LAMA2: variants seen among roughly 807,000 people sequenced by gnomAD.
LAMA2 encodes the protein laminin subunit alpha 2, also known as laminin subunit alpha-2.
LAMA2 carries 269 observed loss-of-function variants against 364.8 expected under a neutral mutation model. The observed-to-expected ratio is 0.74, with a 90% confidence interval of 0.67 to 0.82. LAMA2 has a LOEUF of 0.82. LAMA2 is among the 40% of genes least tolerant of loss of function. The probability of loss-of-function intolerance (pLI) is 0.00; values close to 1 mark genes in which losing one functional copy is unlikely to be tolerated. For missense variants in LAMA2, 3,807 were observed against 3,873.2 expected, an observed-to-expected ratio of 0.98 and a Z score of 0.45; for synonymous variants, 1,379 against 1,370.6, an observed-to-expected ratio of 1.01 and a Z score of -0.14.
intron 3 of LAMA2, among the ~76,000 whole-genome samples, chr6:129,064,184 G>T (rs991516409): frequency 2.6e-5 from 4 of 151,722 alleles, no homozygotes. Context: ...ACAACCAATG[G>T]ATAAAGAAAA....
rs557527334 is a variant in LAMA2 at position 129,270,816 on chromosome 6, C to A, written c.2450+65C>A. The A allele has an allele frequency of 6.2e-6, 9 of 1,457,070 alleles. No homozygotes were observed. The East Asian group carries it at 1.6e-4, about 26-fold the overall frequency. The allele number at this position is 1,457,070 out of a possible 1,614,324, so 90.3% of individuals were successfully genotyped here. Reference sequence around the variant, plus strand: ...ATTTCTGCAAGTACACTTTTCATAGCAAATATACACTTCCTTTTATCCCAT... The same window carrying A: ...ATTTCTGCAAGTACACTTTTCATAGAAAATATACACTTCCTTTTATCCCAT... On this transcript the variant is annotated intron_variant, in intron 17 of 64. Coordinates refer to ENST00000421865, the MANE Select transcript of LAMA2 (RefSeq NM_000426.4).
intron 12 of LAMA2, among the ~76,000 whole-genome samples, chr6:129,202,187 C>T (rs1162310464): frequency 4.8e-5 from 3 of 62,144 alleles, no homozygotes; most frequent in Non-Finnish European, 9.2e-5. Context: ...GAGTCTGTCT[C>T]AAAAAAAAAA....
At chr6:129,394,048 CTTCT>C (rs1232206672) in intron 37 of LAMA2, among the ~76,000 whole-genome samples, 1 of 152,080 alleles carries the variant, frequency 6.6e-6, no homozygotes, top group Non-Finnish European at 1.5e-5. Flanking sequence ...ATTATTTTTT[CTTCT>C]TTTTTTTCCA....
At chr6:129,031,609 A>C (rs546891996) in intron 1 of LAMA2, among the ~76,000 whole-genome samples, 8 of 152,314 alleles carry the variant, frequency 5.3e-5, no homozygotes, top group African/African-American at 1.9e-4. Flanking sequence ...TCACACAATA[A>C]ATTTTAAGGA....
In LAMA2 at chr6:129,024,205, G is replaced by A. The variant is rs1183505750; in HGVS notation, c.113-25713G>A. On this transcript the variant is annotated intron_variant, in intron 1 of 64. Transcript: ENST00000421865. Reference sequence around the variant, plus strand: ...AAACCTTAGAATTGGATCTTATCGAGTATTGTGTTATACAGAGAATATGGA... The same window carrying A: ...AAACCTTAGAATTGGATCTTATCGAATATTGTGTTATACAGAGAATATGGA... Among the ~76,000 whole-genome samples the A allele has an allele frequency of 3.3e-5, 5 of 151,946 alleles. No homozygotes were observed. In the East Asian group the frequency reaches 9.6e-4, roughly 29 times the overall value.
Position 129,348,024 on chromosome 6 carries a change from A to G in LAMA2, c.4437-1274A>G, listed in dbSNP as rs548894782. On this transcript the variant is annotated intron_variant, in intron 30 of 64. Coordinates refer to ENST00000421865, the MANE Select transcript of LAMA2 (RefSeq NM_000426.4). ...TGTTTCTTAGAGCCCATATATGTAT[A>G]AGAGTGTGTGTGTGTGTTCGCGTAT... is the stretch of plus-strand genomic sequence containing the variant. Among the ~76,000 whole-genome samples, 8 of 152,264 alleles carry G rather than the reference A, an allele frequency of 5.3e-5. No homozygotes were observed. In the East Asian group the frequency reaches 1.5e-3, roughly 29 times the overall value.
At chr6:129,169,946 G>A (rs1329528014) in intron 9 of LAMA2, among the ~76,000 whole-genome samples, 4 of 150,600 alleles carry the variant, frequency 2.7e-5, no homozygotes, top group Non-Finnish European at 2.9e-5. Context: ...TAGTTTATTT[G>A]CATAGAGGTG....
intron 1 of LAMA2, among the ~76,000 whole-genome samples, chr6:129,024,412 C>G (rs1785665556): frequency 7.6e-6 from 1 of 131,966 alleles, no homozygotes; most frequent in South Asian, 2.4e-4. Context: ...TTGAGACAGT[C>G]TCAGTCCATT....
At chr6:129,052,664 G>C (rs555185285) in intron 2 of LAMA2, among the ~76,000 whole-genome samples, 1 of 151,926 alleles carries the variant, frequency 6.6e-6, no homozygotes, top group South Asian at 2.1e-4. Context: ...CTGCATTAGG[G>C]TTTACTTTTG....
intron 49 of LAMA2, among the ~76,000 whole-genome samples, chr6:129,460,671 A>G: frequency 6.6e-6 from 1 of 151,348 alleles, no homozygotes; most frequent in East Asian, 1.9e-4. Context: ...CATTGTTATA[A>G]TTTTTTTTTC....
intron 41 of LAMA2, among the ~76,000 whole-genome samples, chr6:129,434,286 C>A (rs1489574819): frequency 6.6e-6 from 1 of 152,156 alleles, no homozygotes; most frequent in African/African-American, 2.4e-5. Context: ...TGTTCCCAGT[C>A]GACCCTTGCT....
At chr6:129,221,609 A>G (rs960286601) in intron 12 of LAMA2, among the ~76,000 whole-genome samples, 7 of 152,212 alleles carry the variant, frequency 4.6e-5, no homozygotes, top group African/African-American at 1.7e-4. Context: ...TTTAAACTAC[A>G]GAAATATTGA....
At chr6:129,032,215 A>C (rs1294061506) in intron 1 of LAMA2, among the ~76,000 whole-genome samples, 1 of 152,246 alleles carries the variant, frequency 6.6e-6, no homozygotes, top group Non-Finnish European at 1.5e-5. Flanking sequence ...AAACATACAT[A>C]GTCTCTCCCA....
chr6:129,511,577 T>G (rs1002537740), intron 62 of LAMA2, among the ~76,000 whole-genome samples: 1 of 152,158 alleles, frequency 6.6e-6, no homozygotes, highest in Non-Finnish European at 1.5e-5. Flanking sequence ...CACATAGCAT[T>G]TATTTCTTGC....
At chr6:129,481,589 T>G (rs2114840061) in intron 55 of LAMA2, 150 bp downstream of exon 55, 2 of 722,256 alleles carry the variant, frequency 2.8e-6, no homozygotes, top group East Asian at 5.4e-5. Context: ...GCTGGCCTCC[T>G]ATTTCACTCA....
At chr6:129,234,758 G>A (rs76359053) in intron 12 of LAMA2, among the ~76,000 whole-genome samples, 2,668 of 152,092 alleles carry the variant, frequency 0.018, 25 homozygotes, top group South Asian at 0.027. Context: ...TTAATTACAC[G>A]TACGGTGTTT....
At chr6:129,109,552 A>G (rs951346183) in intron 4 of LAMA2, among the ~76,000 whole-genome samples, 1 of 152,044 alleles carries the variant, frequency 6.6e-6, no homozygotes, top group South Asian at 2.1e-4. Context: ...CAATAAAATT[A>G]TATTTTTGGA....
intron 1 of LAMA2, among the ~76,000 whole-genome samples, chr6:128,922,337 G>T (rs1397515186): frequency 6.6e-6 from 1 of 151,438 alleles, no homozygotes; most frequent in Admixed American, 6.6e-5. Context: ...GTGTAAAAGT[G>T]TTCCTATTTC....
At position 129,091,987 on chromosome 6, in the gene LAMA2, T is replaced by C. The variant is rs1451993437; in HGVS notation, c.397-6186T>C. Among the ~76,000 whole-genome samples the C allele has an allele frequency of 2.0e-5, 3 of 152,182 alleles. No homozygotes were observed. The East Asian group carries it at 5.8e-4, about 29-fold the overall frequency. ...TACACAGTAAGAGCCAGGTTCTATG[T>C]GGCTTAGGTGGGGATGGGGCTTTGA... is the stretch of plus-strand genomic sequence containing the variant. On this transcript the variant is annotated intron_variant, in intron 3 of 64. Transcript: ENST00000421865.
Sources: allele counts gnomAD v4.1 joint callset (sites outside exome capture counted in the v4.1 genomes callset), GRCh38; gene constraint gnomAD v4.1.1; transcripts MANE v1.5; gene names NCBI Gene and HGNC (gene_info 2026-07-23, HGNC 2026-07-21).